Variants in EIF2AK2 observed in about 807,000 individuals in gnomAD.
EIF2AK2 encodes interferon-induced, double-stranded RNA-activated protein kinase.
EIF2AK2 carries 40 observed loss-of-function variants against 70.5 expected under a neutral mutation model. The ratio of observed to expected loss-of-function variants is 0.57; its 90% CI spans 0.44 to 0.74. The LOEUF (loss-of-function observed/expected upper bound fraction) is 0.74. Among genes scored for constraint, EIF2AK2 ranks in the 30% least tolerant of loss-of-function variants. The pLI is 0.00. For missense variants in EIF2AK2, 555 were observed against 644.3 expected (o/e 0.86, Z 1.50); for synonymous variants, 198 against 220.9 (o/e 0.90, Z 0.92).
At chr2:37,108,859 C>T (rs144366573) in intron 15 of EIF2AK2, among the ~76,000 whole-genome samples, 72 of 152,332 alleles carry the variant, frequency 4.7e-4, no homozygotes, top group South Asian at 8.3e-4. Flanking sequence ...TGAGCCACCG[C>T]GCCCAGCCAA....
intron 2 of EIF2AK2, among the ~76,000 whole-genome samples, 197 bp from the exon 3 acceptor site, chr2:37,148,019 C>T (rs1675615602): frequency 6.6e-6 from 1 of 152,110 alleles, no homozygotes; most frequent in African/African-American, 2.4e-5. Context: ...TTAATTTCTC[C>T]AAAATTTTCT....
rs1368004931 is a variant in EIF2AK2 at position 37,101,087 on chromosome 2, T to C, written c.*6186A>G. ...ACTCCTCTTGGTTCTGTCCTCTTAT[T>C]GTTCAGGCCCTCTTAGTCTTTCCAC... On this transcript the variant is annotated 3_prime_UTR_variant, in exon 17 of 17. Transcript: ENST00000233057. 2 of 152,272 alleles carry C rather than the reference T, an allele frequency of 1.3e-5. No homozygotes were observed. Among genetic ancestry groups the C allele is most frequent in the African/African-American group, 2.4e-5 (1 of 41,468 alleles). 9.4% of individuals were successfully genotyped at this position (152,272 alleles called of 1,614,324 possible).
intron 1 of EIF2AK2, among the ~76,000 whole-genome samples, chr2:37,154,138 C>A (rs889774797): frequency 6.6e-6 from 1 of 152,048 alleles, no homozygotes; most frequent in Non-Finnish European, 1.5e-5. Context: ...ACCAGCCTGA[C>A]CAACATGGAG....
At chr2:37,139,035 G>C (rs528411728) in intron 6 of EIF2AK2, among the ~76,000 whole-genome samples, 1 of 150,730 alleles carries the variant, frequency 6.6e-6, no homozygotes. Flanking sequence ...TCCTGAGTTC[G>C]GCCAGGTGCA....
At chr2:37,113,245 C>G (rs1271109899) in intron 14 of EIF2AK2, among the ~76,000 whole-genome samples, 1 of 151,988 alleles carries the variant, frequency 6.6e-6, no homozygotes, top group Non-Finnish European at 1.5e-5. Context: ...TCTGTAATCC[C>G]AGCACTTTGG....
At chr2:37,124,365 G>A (rs1421000266) in intron 11 of EIF2AK2, among the ~76,000 whole-genome samples, 2 of 152,028 alleles carry the variant, frequency 1.3e-5, no homozygotes. Flanking sequence ...GGGTTCAAGC[G>A]ATTCTCCTGC....
chr2:37,124,396 G>A (rs537038034), intron 11 of EIF2AK2, among the ~76,000 whole-genome samples: 59 of 152,210 alleles, frequency 3.9e-4, no homozygotes, highest in African/African-American at 1.3e-3. Flanking sequence ...CAAGTAGCTG[G>A]GACTACAGGC....
chr2:37,136,969 A>T lies in EIF2AK2; in HGVS notation c.722+14T>A. 6.3e-7 allele frequency: 1 copy of T among 1,599,314 alleles called. No homozygotes were observed. The highest frequency in any genetic ancestry group is 8.5e-7 in the Non-Finnish European group (1 of 1,174,606). On this transcript the variant is annotated intron_variant, in intron 9 of 16. Transcript: ENST00000233057. ...CTTCAGATCAAAATATGTTCAATGC[A>T]TAATGATACTCACCTTTTTGCCTTC...
intron 9 of EIF2AK2, 68 bp from the exon 10 acceptor site, chr2:37,135,614 A>G: frequency 2.1e-6 from 3 of 1,410,702 alleles, no homozygotes; most frequent in Non-Finnish European, 3.0e-6. Flanking sequence ...TTTAGTGTTA[A>G]TGTTAACCTT....
intron 13 of EIF2AK2, among the ~76,000 whole-genome samples, chr2:37,118,998 G>A (rs1417141858): frequency 6.6e-6 from 1 of 152,134 alleles, no homozygotes; most frequent in African/African-American, 2.4e-5. Flanking sequence ...ACAACCAAAG[G>A]GGGCAGGCAG....
At position 37,153,337 on chromosome 2, in the gene EIF2AK2, C is replaced by CTCTTTTT. The variant is rs777537067; in HGVS notation, c.-184+3570_-184+3571insAAAAAGA. Among the ~76,000 whole-genome samples the CTCTTTTT allele has an allele frequency of 6.6e-3, 723 of 109,834 alleles. 62 individuals carry two copies. Among genetic ancestry groups the CTCTTTTT allele is most frequent in the African/African-American group, 0.021 (620 of 30,214 alleles). The allele number at this position is 109,834 out of a possible 152,430, so 72.1% of individuals were successfully genotyped here. A position where few individuals can be genotyped will look rare whatever the true frequency, so the allele number is the denominator to read the frequency against. ...CCCAGTCCTTTCAGTCTCTGCTAAT[C>CTCTTTTT]TTTTTTTTTTTTTTTTTTTTTGAGA... On this transcript the variant is annotated intron_variant, in intron 1 of 16. Transcript: ENST00000233057.
intron 13 of EIF2AK2, among the ~76,000 whole-genome samples, chr2:37,116,993 C>T (rs905563208): frequency 3.3e-5 from 5 of 152,058 alleles, no homozygotes; most frequent in African/African-American, 1.2e-4. Flanking sequence ...GGGCAGACAG[C>T]GTGGGCCCAT....
Position 37,107,532 on chromosome 2 carries a change from A to G in EIF2AK2, c.1480-5T>C, listed in dbSNP as rs766201667. 29 of 1,596,362 alleles carry G rather than the reference A, an allele frequency of 1.8e-5. No homozygotes were observed. Among genetic ancestry groups the G allele is most frequent in the African/African-American group, 4.1e-5 (3 of 74,018 alleles). On this transcript the variant is annotated splice_polypyrimidine_tract_variant and splice_region_variant and intron_variant, in intron 15 of 16. Coordinates refer to ENST00000233057, the MANE Select transcript of EIF2AK2 (RefSeq NM_001135651.3). ...ATCCCGTAGGTCTGTGAAAAACTGGAAAAAAAAATGATAGGTGTATATTAG... is the reference window on the plus strand; with the variant it reads ...ATCCCGTAGGTCTGTGAAAAACTGGGAAAAAAAATGATAGGTGTATATTAG...
At chr2:37,141,492 A>G in intron 5 of EIF2AK2, 61 bp downstream of exon 5, 1 of 1,578,348 alleles carries the variant, frequency 6.3e-7, no homozygotes, top group East Asian at 2.3e-5. Context: ...AGACACGAAA[A>G]TAAACCAACT....
At chr2:37,122,485 T>C (rs371953843) in intron 12 of EIF2AK2, 21 bp downstream of exon 12, 8 of 1,611,106 alleles carry the variant, frequency 5.0e-6, no homozygotes, top group Middle Eastern at 1.6e-4. Context: ...ATTATGGCTA[T>C]GAGAATTTAT....
intron 4 of EIF2AK2, among the ~76,000 whole-genome samples, chr2:37,142,514 A>G (rs955134440): frequency 6.6e-6 from 1 of 150,576 alleles, no homozygotes; most frequent in Non-Finnish European, 1.5e-5. Context: ...TATTTCTTTT[A>G]TAGTAATTTC....
intron 10 of EIF2AK2, among the ~76,000 whole-genome samples, chr2:37,130,909 T>A (rs1674917275): frequency 6.6e-6 from 1 of 152,172 alleles, no homozygotes; most frequent in Admixed American, 6.5e-5. Context: ...GTACCAGATA[T>A]CCAAAAGGAA....
At chr2:37,118,327 A>T (rs1438788780) in intron 13 of EIF2AK2, among the ~76,000 whole-genome samples, 1 of 152,154 alleles carries the variant, frequency 6.6e-6, no homozygotes, top group Non-Finnish European at 1.5e-5. Context: ...AAAAAATAAA[A>T]ATTAAAAATT....
intron 13 of EIF2AK2, among the ~76,000 whole-genome samples, chr2:37,119,656 A>G (rs966577229): frequency 3.3e-5 from 5 of 151,360 alleles, no homozygotes; most frequent in African/African-American, 4.8e-5. Context: ...CAGTGGCACA[A>G]TCTTGGCTCA....
Sources: allele counts gnomAD v4.1 joint callset (sites outside exome capture counted in the v4.1 genomes callset), GRCh38; gene constraint gnomAD v4.1.1; transcripts MANE v1.5; gene names NCBI Gene and HGNC (gene_info 2026-07-23, HGNC 2026-07-21).